The following PI4KA variants were observed in gnomAD, a reference collection of about 807,000 sequenced individuals.
The protein encoded by PI4KA is PI4-kinase alpha.
In PI4KA, 122 loss-of-function variants were observed where a neutral mutation model predicts 271.4. The ratio of observed to expected loss-of-function variants is 0.45; its 90% CI spans 0.39 to 0.52. PI4KA has a LOEUF of 0.52. Ranked by LOEUF, PI4KA falls within the 20% of genes least tolerant of loss-of-function variation. PI4KA has a pLI of 0.00. For missense variants in PI4KA, 1,969 were observed against 2,769.1 expected (o/e 0.71, Z 6.48); for synonymous variants, 1,041 against 1,078.8 (o/e 0.96, Z 0.69).
intron 19 of PI4KA, among the ~76,000 whole-genome samples, chr22:20,783,773 C>A (rs768735587): frequency 7.9e-5 from 12 of 152,194 alleles, no homozygotes; most frequent in Non-Finnish European, 1.3e-4. Context: ...CTATTCCAGT[C>A]CGGGTAACCT....
chr22:20,846,542 G>C (rs1926281003), intron 1 of PI4KA, among the ~76,000 whole-genome samples: 1 of 151,804 alleles, frequency 6.6e-6, no homozygotes, highest in Non-Finnish European at 1.5e-5. Context: ...GGGGGAGGGA[G>C]AATATCAGGA....
chr22:20,734,006 C>A (rs1928386608), intron 34 of PI4KA, 37 bp downstream of exon 34: 3 of 1,545,582 alleles, frequency 1.9e-6, no homozygotes, highest in Non-Finnish European at 2.6e-6. Flanking sequence ...ACTGTACACA[C>A]CAGGGGCCCT....
chr22:20,825,607 AAAAC>A (rs1923304248), intron 3 of PI4KA, among the ~76,000 whole-genome samples: 2 of 152,248 alleles, frequency 1.3e-5, no homozygotes, highest in South Asian at 4.2e-4. Flanking sequence ...AAAAAAACAA[AAAAC>A]AAACAAAATC....
At chr22:20,742,405 C>G (rs761568923) in intron 31 of PI4KA, 50 bp from the exon 32 acceptor site, 1 of 1,598,510 alleles carries the variant, frequency 6.3e-7, no homozygotes, top group South Asian at 1.1e-5. Flanking sequence ...AGCTGAACCC[C>G]AAAACAGCTT....
chr22:20,715,173 C>A lies in PI4KA; in HGVS notation c.5318-473G>T, dbSNP rs1378219915. Among the ~76,000 whole-genome samples, 3 of 151,684 alleles carry A rather than the reference C, an allele frequency of 2.0e-5. No individual in the cohort carries two copies. The South Asian group carries it at 6.2e-4, about 32-fold the overall frequency. ...GCAACCTCCGCCTCCCAGGTTCAAG[C>A]AATTCTTCTGCCTCAGCCTCCTGAG... On this transcript the variant is annotated intron_variant, in intron 45 of 54. Coordinates refer to ENST00000255882, the MANE Select transcript of PI4KA (RefSeq NM_058004.4).
intron 2 of PI4KA, among the ~76,000 whole-genome samples, chr22:20,835,782 C>T (rs112935116): frequency 3.1e-3 from 468 of 151,990 alleles, no homozygotes; most frequent in Non-Finnish European, 5.1e-3. Context: ...GGTGCGGTGG[C>T]TCACACCTGT....
At chr22:20,852,697 G>A (rs1927138355) in intron 1 of PI4KA, among the ~76,000 whole-genome samples, 1 of 152,048 alleles carries the variant, frequency 6.6e-6, no homozygotes, top group Non-Finnish European at 1.5e-5. Context: ...GCCTCACAAA[G>A]CAAAGGGAAA....
intron 23 of PI4KA, among the ~76,000 whole-genome samples, chr22:20,760,491 T>C (rs1047321491): frequency 2.7e-4 from 41 of 152,190 alleles, no homozygotes; most frequent in African/African-American, 9.7e-4. Flanking sequence ...AAACTAATAT[T>C]AGCCTTTTGC....
At chr22:20,761,690 T>C (rs1211677034) in intron 22 of PI4KA, among the ~76,000 whole-genome samples, 2 of 151,994 alleles carry the variant, frequency 1.3e-5, no homozygotes, top group Non-Finnish European at 2.9e-5. Context: ...AACAGGAGAC[T>C]GGGCAGATAA....
At chr22:20,741,178 T>C (rs1377224524) in intron 32 of PI4KA, among the ~76,000 whole-genome samples, 1 of 152,156 alleles carries the variant, frequency 6.6e-6, no homozygotes, top group African/African-American at 2.4e-5. Context: ...TGGCAGTGGG[T>C]ATCCACAGTG....
chr22:20,811,408 C>A (rs931678985), intron 8 of PI4KA, among the ~76,000 whole-genome samples: 1 of 152,146 alleles, frequency 6.6e-6, no homozygotes, highest in Admixed American at 6.6e-5. Context: ...TCCCAGACAT[C>A]AAGGACACCC....
At chr22:20,854,277 C>T (rs571963149) in intron 1 of PI4KA, among the ~76,000 whole-genome samples, 7 of 151,772 alleles carry the variant, frequency 4.6e-5, no homozygotes, top group Admixed American at 3.3e-4. Context: ...TCCGCCACCA[C>T]GCCTGGCTAA....
chr22:20,784,673 C>A (rs1569029909), intron 19 of PI4KA, among the ~76,000 whole-genome samples: 1 of 152,180 alleles, frequency 6.6e-6, no homozygotes, highest in East Asian at 1.9e-4. Flanking sequence ...CTCTTCCCTG[C>A]CCAGGAAATT....
rs1432261617 is a variant in PI4KA, at chr22:20,729,495, G to A, written c.4500C>T (p.Ile1500=). 6 of 1,595,696 alleles carry A rather than the reference G, an allele frequency of 3.8e-6. No individual in the cohort carries two copies. The highest frequency in any genetic ancestry group is 1.7e-4 in the Middle Eastern group (1 of 6,038). ...GGTTGTACCATGTGATGAGACGCTC[G>A]ATCTCAGTGGCCTGGCAAGATAAGA... is the stretch of plus-strand genomic sequence containing the variant. The part of the protein sequence containing the change: ...TLLLSLLATE[I]ERLITWYNPL... The change falls in exon 39 of 55, where the codon ATC becomes ATT. Residue 1500 remains isoleucine (I), a synonymous_variant. Coordinates refer to ENST00000255882, the MANE Select transcript of PI4KA (RefSeq NM_058004.4).
rs1365189900 is a variant in PI4KA, at chr22:20,733,827, G to GC, written c.4068dup (p.Leu1357AlafsTer28). ...ACCACATCGGCATGCAGGAGGGACA[G>GC]CCCCAGGGTCAGCAGCCTGTGAGGG... On this transcript the variant is annotated frameshift_variant, in exon 35 of 55. Transcript: ENST00000255882. LOFTEE classifies it high-confidence loss of function. 6.2e-7 allele frequency: 1 copy of GC among 1,612,078 alleles called. No homozygotes were observed. Among genetic ancestry groups the GC allele is most frequent in the Non-Finnish European group, 8.5e-7 (1 of 1,179,870 alleles).
At chr22:20,784,667 T>C (rs1319652648) in intron 19 of PI4KA, among the ~76,000 whole-genome samples, 1 of 152,188 alleles carries the variant, frequency 6.6e-6, no homozygotes, top group African/African-American at 2.4e-5. Flanking sequence ...GCTCAACTCT[T>C]CCCTGCCCAG....
intron 23 of PI4KA, among the ~76,000 whole-genome samples, chr22:20,755,762 A>C (rs1931218913): frequency 6.6e-6 from 1 of 151,770 alleles, no homozygotes; most frequent in South Asian, 2.1e-4. Context: ...AGATTGTGCC[A>C]CTGCACTCTA....
At chr22:20,803,028 G>A (rs1466314235) in intron 13 of PI4KA, among the ~76,000 whole-genome samples, 163 bp downstream of exon 13, 1 of 152,088 alleles carries the variant, frequency 6.6e-6, no homozygotes, top group Non-Finnish European at 1.5e-5. Flanking sequence ...AGAGAAGGCC[G>A]GGGAAGAAAG....
At chr22:20,780,254 T>C in intron 19 of PI4KA, 7 of 1,612,448 alleles carry the variant, frequency 4.3e-6, no homozygotes, top group Non-Finnish European at 5.1e-6. Flanking sequence ...ACTATTTTTG[T>C]ATGTGGGTAG....
Sources: allele counts gnomAD v4.1 joint callset (sites outside exome capture counted in the v4.1 genomes callset), GRCh38; gene constraint gnomAD v4.1.1; transcripts MANE v1.5; gene names NCBI Gene and HGNC (gene_info 2026-07-23, HGNC 2026-07-21).